Variants in ORC2 observed in about 807,000 individuals in gnomAD.
ORC2 encodes the protein origin recognition complex protein 2 homolog.
ORC2 carries 37 observed loss-of-function variants against 77.7 expected under a neutral mutation model. That is an observed-to-expected ratio of 0.48 (90% CI 0.37 to 0.63). The LOEUF is 0.63. Ranked by LOEUF, ORC2 falls within the 20% of genes least tolerant of loss-of-function variation. ORC2 has a pLI of 0.00. For synonymous variants in ORC2, 201 were observed against 229.5 expected, an observed-to-expected ratio of 0.88 and a Z score of 1.12; for missense variants, 557 against 661.9, an observed-to-expected ratio of 0.84 and a Z score of 1.74.
chr2:200,949,444 C>A, intron 5 of ORC2, 110 bp downstream of exon 5: 1 of 648,396 alleles, frequency 1.5e-6, no homozygotes, highest in African/African-American at 1.9e-5. Context: ...CATAGGGAAT[C>A]TCTCTTCATT....
chr2:200,933,354 G>A (rs1170839516), intron 10 of ORC2, among the ~76,000 whole-genome samples: 1 of 150,776 alleles, frequency 6.6e-6, no homozygotes, highest in African/African-American at 2.4e-5. Flanking sequence ...TTTGTGCAAA[G>A]TTTTTAACTG....
intron 8 of ORC2, among the ~76,000 whole-genome samples, chr2:200,937,238 A>G (rs2041064180): frequency 6.6e-6 from 1 of 152,240 alleles, no homozygotes; most frequent in Non-Finnish European, 1.5e-5. Flanking sequence ...AGGAGAAAAC[A>G]TAAGACATGG....
At chr2:200,936,337 G>A (rs187568516) in intron 8 of ORC2, among the ~76,000 whole-genome samples, 3 of 152,286 alleles carry the variant, frequency 2.0e-5, no homozygotes, top group East Asian at 3.9e-4. Flanking sequence ...GGTTGACTAT[G>A]TGACCCCTTG....
rs573181110 is a variant in ORC2, at chr2:200,913,489, A to T, written c.1529-76T>A. 2.6e-5 allele frequency: 38 copies of T among 1,467,142 alleles called. No individual in the cohort carries two copies. In the East Asian group the frequency reaches 1.0e-3, roughly 40 times the overall value. 90.9% of individuals were successfully genotyped at this position (1,467,142 alleles called of 1,614,324 possible). A position where few individuals can be genotyped will look rare whatever the true frequency, so the allele number is the denominator to read the frequency against. Reference sequence around the variant, plus strand: ...CAATATACAAACACCCATACAAAAGAACAGAATAAAAGTGCTATTTGCATG... The same window carrying T: ...CAATATACAAACACCCATACAAAAGTACAGAATAAAAGTGCTATTTGCATG... On this transcript the variant is annotated intron_variant, in intron 16 of 17. Transcript: ENST00000234296.
intron 1 of ORC2, among the ~76,000 whole-genome samples, chr2:200,961,372 G>A (rs992820413): frequency 2.7e-5 from 4 of 150,912 alleles, no homozygotes; most frequent in Non-Finnish European, 4.4e-5. Flanking sequence ...TGTTGCCCAG[G>A]CTGGCCTGAG....
intron 1 of ORC2, among the ~76,000 whole-genome samples, chr2:200,960,135 G>A (rs937446663): frequency 3.3e-5 from 5 of 151,752 alleles, no homozygotes; most frequent in African/African-American, 7.3e-5. Context: ...CTGCCACCAC[G>A]TCCAGCTAAC....
intron 15 of ORC2, among the ~76,000 whole-genome samples, chr2:200,915,210 G>T (rs1575149184): frequency 6.6e-6 from 1 of 151,358 alleles, no homozygotes. Flanking sequence ...ACGGGGTTTC[G>T]CCATGTTGGT....
Position 200,927,039 on chromosome 2 carries a change from C to T in ORC2, c.918-139G>A, listed in dbSNP as rs933904451. On this transcript the variant is annotated intron_variant, in intron 11 of 17. Coordinates refer to ENST00000234296, the MANE Select transcript of ORC2 (RefSeq NM_006190.5). ...CGCACTGGCTCAAGCCTGTAATCCC[C>T]GAATTTTGGGAAGGCAAACGCAAAA... is the stretch of plus-strand genomic sequence containing the variant. 42 of 852,716 alleles carry T rather than the reference C, an allele frequency of 4.9e-5. No homozygotes were observed. In the African/African-American group the frequency reaches 5.0e-4, roughly 10 times the overall value. 52.8% of individuals were successfully genotyped at this position (852,716 alleles called of 1,614,324 possible).
chr2:200,925,251 C>G (rs1257123458), intron 13 of ORC2, among the ~76,000 whole-genome samples: 1 of 151,898 alleles, frequency 6.6e-6, no homozygotes, highest in Non-Finnish European at 1.5e-5. Flanking sequence ...TGCTTGAACC[C>G]GGGAGGCGGA....
chr2:200,927,846 G>A (rs917576196), intron 11 of ORC2, among the ~76,000 whole-genome samples: 11 of 150,640 alleles, frequency 7.3e-5, no homozygotes, highest in Non-Finnish European at 1.3e-4. Flanking sequence ...ACAGGCGCCC[G>A]CCACCATGCC....
At chr2:200,914,977 T>G (rs1029669128) in intron 15 of ORC2, among the ~76,000 whole-genome samples, 1 of 151,378 alleles carries the variant, frequency 6.6e-6, no homozygotes, top group Admixed American at 6.6e-5. Flanking sequence ...ATACCTTGCT[T>G]CTTCACTTTT....
At chr2:200,915,816 CCT>C (rs1310817383) in intron 15 of ORC2, among the ~76,000 whole-genome samples, 1 of 152,020 alleles carries the variant, frequency 6.6e-6, no homozygotes, top group Non-Finnish European at 1.5e-5. Flanking sequence ...GCCTCAGACT[CCT>C]GAGTAGTTGC....
chr2:200,947,746 G>GA (rs2041275760), intron 5 of ORC2, among the ~76,000 whole-genome samples: 2 of 151,552 alleles, frequency 1.3e-5, no homozygotes. Flanking sequence ...TTTTGTTTTT[G>GA]TTTTTTTGAG....
Position 200,941,368 on chromosome 2 carries a change from C to T in ORC2, c.422-89G>A, listed in dbSNP as rs576130949. 22 of 1,181,642 alleles carry T rather than the reference C, an allele frequency of 1.9e-5. No individual in the cohort carries two copies. In the East Asian group the frequency reaches 5.0e-4, roughly 27 times the overall value. 73.2% of individuals were successfully genotyped at this position (1,181,642 alleles called of 1,614,324 possible). ...TTCATTAAAAGTAAAGTTTGCCAGG[C>T]ATGGTGGCTCACATCTGTAATCCCA... On this transcript the variant is annotated intron_variant, in intron 6 of 17. Coordinates refer to ENST00000234296, the MANE Select transcript of ORC2 (RefSeq NM_006190.5).
At chr2:200,953,432 AG>A in intron 4 of ORC2, among the ~76,000 whole-genome samples, 1 of 149,802 alleles carries the variant, frequency 6.7e-6, no homozygotes, top group African/African-American at 2.5e-5. Context: ...TTTTTAAAAA[AG>A]GAAATAGGTG....
rs547447933 is a variant in ORC2 at position 200,925,211 on chromosome 2, C to T, written c.1147+625G>A. On this transcript the variant is annotated intron_variant, in intron 13 of 17. Transcript: ENST00000234296. ...GCTTGGTGGTGCACGCCTGTAATCCCAGCTACTTGAGAGGCTGAGGCAGGA... is the reference window on the plus strand; with the variant it reads ...GCTTGGTGGTGCACGCCTGTAATCCTAGCTACTTGAGAGGCTGAGGCAGGA... 4.6e-5 allele frequency among the ~76,000 whole-genome samples: 7 copies of T among 152,138 alleles called. No individual in the cohort carries two copies. In the East Asian group the frequency reaches 1.4e-3, roughly 30 times the overall value.
At chr2:200,928,864 C>T (rs1008616089) in intron 11 of ORC2, among the ~76,000 whole-genome samples, 1 of 151,590 alleles carries the variant, frequency 6.6e-6, no homozygotes, top group African/African-American at 2.4e-5. Context: ...TAGGCTGAAG[C>T]AGAGTTGAAA....
intron 15 of ORC2, among the ~76,000 whole-genome samples, chr2:200,916,429 G>T (rs2040651799): frequency 6.6e-6 from 1 of 151,958 alleles, no homozygotes; most frequent in Admixed American, 6.6e-5. Flanking sequence ...AGGTTGCAGT[G>T]AGCCGAGATC....
At position 200,949,614 on chromosome 2, in the gene ORC2, C is replaced by T. The variant is rs1036822880; in HGVS notation, c.268G>A (p.Gly90Ser). The T allele has an allele frequency of 1.3e-6, 2 of 1,599,662 alleles. No individual in the cohort carries two copies. The highest frequency in any genetic ancestry group is 1.3e-5 in the African/African-American group (1 of 74,536). Residue 90 changes from glycine (G) to serine (S), a missense_variant, in exon 5 of 18, where the codon GGT becomes AGT. Coordinates refer to ENST00000234296, the MANE Select transcript of ORC2 (RefSeq NM_006190.5). ...ESLKNGSATG[G>S]GNKVYSFQNR... ...TGAAAAGAATAAACTTTATTTCCAC[C>T]ACCTGTAGCAGAGCCATTTTTCAAT...
Sources: allele counts gnomAD v4.1 joint callset (sites outside exome capture counted in the v4.1 genomes callset), GRCh38; gene constraint gnomAD v4.1.1; transcripts MANE v1.5; gene names NCBI Gene and HGNC (gene_info 2026-07-23, HGNC 2026-07-21).